The following PIP4K2A variants were observed in gnomAD, a reference collection of about 807,000 sequenced individuals.
The protein encoded by PIP4K2A is phosphatidylinositol-5-phosphate 4-kinase type 2 alpha, also known as phosphatidylinositol 5-phosphate 4-kinase type-2 alpha.
Under a neutral mutation model 42.9 loss-of-function variants are expected in PIP4K2A, and 14 were observed. That is an observed-to-expected ratio of 0.33 (90% confidence interval 0.22 to 0.51). PIP4K2A has a LOEUF of 0.51. Among genes scored for constraint, PIP4K2A ranks in the 20% least tolerant of loss-of-function variants. The pLI, the probability that PIP4K2A is intolerant of heterozygous loss-of-function variation, is 0.97. For missense variants in PIP4K2A, 434 were observed against 519.8 expected, an observed-to-expected ratio of 0.83 and a Z score of 1.61; for synonymous variants, 192 against 192.2, an observed-to-expected ratio of 1.00 and a Z score of 0.01.
At chr10:22,596,322 C>G (rs541820620) in intron 3 of PIP4K2A, among the ~76,000 whole-genome samples, 6 of 151,840 alleles carry the variant, frequency 4.0e-5, no homozygotes, top group Non-Finnish European at 8.8e-5. Flanking sequence ...AAACAGAGTC[C>G]GATCAGAAGA....
At chr10:22,702,231 C>T (rs907419729) in intron 1 of PIP4K2A, among the ~76,000 whole-genome samples, 3 of 152,182 alleles carry the variant, frequency 2.0e-5, no homozygotes, top group Non-Finnish European at 4.4e-5. Context: ...TGAAGAAGAA[C>T]CAGCAGAAAC....
chr10:22,633,796 C>T (rs967416879), intron 1 of PIP4K2A, among the ~76,000 whole-genome samples: 2 of 152,186 alleles, frequency 1.3e-5, no homozygotes, highest in Non-Finnish European at 2.9e-5. Flanking sequence ...ATCTTTGCCC[C>T]AGTATGGAGG....
chr10:22,681,997 AT>A lies in PIP4K2A; in HGVS notation c.144+32185del, dbSNP rs200882164. On this transcript the variant is annotated intron_variant, in intron 1 of 9. Transcript: ENST00000376573. ...TTATGAAATACTTTTTTAGAAAACC[AT>A]TTTTTTTTTTGTACATACGTAAAAA... Among the ~76,000 whole-genome samples, 259 of 146,330 alleles carry A rather than the reference AT, an allele frequency of 1.8e-3. 2 individuals carry two copies. The highest frequency in any genetic ancestry group is 0.014 in the Middle Eastern group (4 of 286).
At chr10:22,663,159 T>C (rs1328799514) in intron 1 of PIP4K2A, among the ~76,000 whole-genome samples, 5 of 152,248 alleles carry the variant, frequency 3.3e-5, no homozygotes, top group African/African-American at 1.2e-4. Context: ...GGCTTTCCAC[T>C]TAACTAGCTG....
chr10:22,641,327 CAG>C (rs1838779314), intron 1 of PIP4K2A, among the ~76,000 whole-genome samples: 1 of 152,202 alleles, frequency 6.6e-6, no homozygotes, highest in Non-Finnish European at 1.5e-5. Flanking sequence ...TCTGCCACTA[CAG>C]AGTCTGTCTC....
chr10:22,595,826 C>A (rs1250420888), intron 3 of PIP4K2A, among the ~76,000 whole-genome samples: 1 of 152,142 alleles, frequency 6.6e-6, no homozygotes, highest in Non-Finnish European at 1.5e-5. Flanking sequence ...GCCTTAGTTT[C>A]CGGGTCTATG....
intron 1 of PIP4K2A, among the ~76,000 whole-genome samples, chr10:22,711,320 A>G (rs939372217): frequency 2.6e-5 from 4 of 152,204 alleles, no homozygotes; most frequent in Admixed American, 6.5e-5. Flanking sequence ...AATGCAGTTC[A>G]GCTACATTCA....
At chr10:22,629,366 C>T (rs2130766930) in intron 1 of PIP4K2A, among the ~76,000 whole-genome samples, 1 of 152,230 alleles carries the variant, frequency 6.6e-6, no homozygotes. Context: ...GATTCTAAGA[C>T]AACTGCAGTC....
At chr10:22,599,241 C>A (rs945014965) in intron 3 of PIP4K2A, among the ~76,000 whole-genome samples, 8 of 152,170 alleles carry the variant, frequency 5.3e-5, no homozygotes, top group Admixed American at 4.6e-4. Context: ...AATCATGCAA[C>A]CATGACCACA....
Position 22,608,040 on chromosome 10 carries a change from G to A in PIP4K2A, c.243-17C>T, listed in dbSNP as rs573516599. On this transcript the variant is annotated splice_polypyrimidine_tract_variant and intron_variant, in intron 2 of 9. Coordinates refer to ENST00000376573, the MANE Select transcript of PIP4K2A (RefSeq NM_005028.5). ...ATGTTTTCTCTGAAACAGTCACAGC[G>A]TGGAATAAAGCTCAGAGAGAGTCAA... 1.2e-4 allele frequency: 179 copies of A among 1,522,218 alleles called. 2 individuals carry two copies. In the South Asian group the frequency reaches 1.6e-3, roughly 14 times the overall value. The allele number at this position is 1,522,218 out of a possible 1,614,324, so 94.3% of individuals were successfully genotyped here. A position where few individuals can be genotyped will look rare whatever the true frequency, so the allele number is the denominator to read the frequency against.
intron 6 of PIP4K2A, among the ~76,000 whole-genome samples, chr10:22,563,347 A>G (rs918071953): frequency 6.6e-6 from 1 of 152,274 alleles, no homozygotes; most frequent in African/African-American, 2.4e-5. Context: ...TAAAGACTGC[A>G]TTAAACGTAA....
Position 22,664,484 on chromosome 10 carries a change from T to C in PIP4K2A, c.144+49699A>G, listed in dbSNP as rs141634510. ...ACTTTTTCTTGGTGATCACACACAA[T>C]AGTATGCCTTTATGCTTGCCAATTT... On this transcript the variant is annotated intron_variant, in intron 1 of 9. Coordinates refer to ENST00000376573, the MANE Select transcript of PIP4K2A (RefSeq NM_005028.5). 3.4e-3 allele frequency among the ~76,000 whole-genome samples: 510 copies of C among 151,446 alleles called. 3 individuals are homozygous for C. The highest frequency in any genetic ancestry group is 5.8e-3 in the Non-Finnish European group (396 of 67,806).
At chr10:22,653,953 G>A (rs755776745) in intron 1 of PIP4K2A, among the ~76,000 whole-genome samples, 3 of 152,154 alleles carry the variant, frequency 2.0e-5, no homozygotes, top group Non-Finnish European at 2.9e-5. Context: ...TCTGCAGATC[G>A]GTGTTAATAC....
At chr10:22,666,138 T>G (rs1455371980) in intron 1 of PIP4K2A, among the ~76,000 whole-genome samples, 2 of 152,196 alleles carry the variant, frequency 1.3e-5, no homozygotes, top group East Asian at 3.8e-4. Flanking sequence ...CCAATAAGTT[T>G]TGATGCTACT....
At chr10:22,566,459 A>AC (rs958868958) in intron 6 of PIP4K2A, among the ~76,000 whole-genome samples, 61 of 151,246 alleles carry the variant, frequency 4.0e-4, no homozygotes, top group African/African-American at 1.4e-3. Context: ...GTCATCCTTA[A>AC]CCCCCTTCCC....
rs183052119 is a variant in PIP4K2A at position 22,621,356 on chromosome 10, A to C, written c.145-11639T>G. Among the ~76,000 whole-genome samples the C allele has an allele frequency of 2.6e-5, 4 of 152,308 alleles. No individual in the cohort carries two copies. In the East Asian group the frequency reaches 5.8e-4, roughly 22 times the overall value. ...GCATGACCACTAGCAATCACACAGC[A>C]CTCTAAGAAACTGATCTTGAAAACT... On this transcript the variant is annotated intron_variant, in intron 1 of 9. Transcript: ENST00000376573.
At chr10:22,569,055 C>G in intron 5 of PIP4K2A, 1 of 1,534,786 alleles carries the variant, frequency 6.5e-7, no homozygotes, top group Non-Finnish European at 8.7e-7. Context: ...GATTGGCCAT[C>G]TGCAAAGAAA....
At chr10:22,671,501 C>T (rs967450620) in intron 1 of PIP4K2A, among the ~76,000 whole-genome samples, 2 of 152,062 alleles carry the variant, frequency 1.3e-5, no homozygotes, top group African/African-American at 4.8e-5. Flanking sequence ...AGCCTGATGC[C>T]TGGCACTGCG....
chr10:22,617,551 G>A (rs759579918), intron 1 of PIP4K2A, among the ~76,000 whole-genome samples: 2 of 152,122 alleles, frequency 1.3e-5, no homozygotes, highest in Non-Finnish European at 2.9e-5. Context: ...ATTCAGCCAA[G>A]AATATGCAAA....
Sources: gnomAD v4.1 joint callset for allele counts (sites outside exome capture counted in the v4.1 genomes callset) on GRCh38, gnomAD v4.1.1 for gene constraint, MANE v1.5 for transcripts, NCBI Gene and HGNC (gene_info 2026-07-23, HGNC 2026-07-21) for gene names.